The following KANSL1 variants were observed in gnomAD, a reference collection of about 807,000 sequenced individuals.
The protein encoded by KANSL1 is KAT8 regulatory NSL complex subunit 1.
In KANSL1, 22 loss-of-function variants were observed where a neutral mutation model predicts 103.6. That is an observed-to-expected ratio of 0.21 (90% CI 0.15 to 0.30). The LOEUF (loss-of-function observed/expected upper bound fraction) is 0.30. KANSL1 is among the 10% of genes least tolerant of loss of function. The pLI is 1.00. For synonymous variants in KANSL1, 600 were observed against 527.6 expected (o/e 1.14, Z -1.88); for missense variants, 1,337 against 1,399.8 (o/e 0.96, Z 0.72).
At chr17:46,052,794 T>A (rs1480552539) in intron 6 of KANSL1, among the ~76,000 whole-genome samples, 20 of 118,278 alleles carry the variant, frequency 1.7e-4, no homozygotes, top group South Asian at 5.7e-4. Context: ...AATTTAAAAT[T>A]AAAAAAAAAA....
chr17:46,074,074 C>A (rs2078673297), intron 4 of KANSL1, among the ~76,000 whole-genome samples: 2 of 152,136 alleles, frequency 1.3e-5, no homozygotes, highest in African/African-American at 2.4e-5. Context: ...AGCAGTGACA[C>A]TTACGAAGTA....
At chr17:46,054,994 G>A (rs1188044519) in intron 6 of KANSL1, among the ~76,000 whole-genome samples, 1 of 151,024 alleles carries the variant, frequency 6.6e-6, no homozygotes, top group Non-Finnish European at 1.5e-5. Context: ...GGGACTATAG[G>A]CGCCCGCCAC....
intron 2 of KANSL1, among the ~76,000 whole-genome samples, chr17:46,101,360 C>T (rs2042305569): frequency 6.6e-6 from 1 of 152,170 alleles, no homozygotes; most frequent in East Asian, 1.9e-4. Flanking sequence ...ATAAATTGAC[C>T]TCTGCAAATA....
Position 46,033,162 on chromosome 17 carries a change from C to T in KANSL1, c.2755G>A (p.Ala919Thr), listed in dbSNP as rs776547113. 38 of 1,605,250 alleles carry T rather than the reference C, an allele frequency of 2.4e-5. No homozygotes were observed. The highest frequency in any genetic ancestry group is 1.0e-4 in the Admixed American group (6 of 59,118). ...IEDLSDAAFA[A>T]LHAKCEEMER... Reference sequence around the variant, plus strand: ...ATCTCCTCACATTTGGCATGCAGGGCGGCGAAGGCTGCGTCGGATAGGTCC... The same window carrying T: ...ATCTCCTCACATTTGGCATGCAGGGTGGCGAAGGCTGCGTCGGATAGGTCC... The change falls in exon 13 of 15, where the codon GCC becomes ACC. Residue 919 changes from alanine to threonine, a missense_variant. Coordinates refer to ENST00000432791, the MANE Select transcript of KANSL1 (RefSeq NM_015443.4).
chr17:46,170,162 C>T (rs1009637752), intron 2 of KANSL1: 1 of 150,956 alleles, frequency 6.6e-6, no homozygotes, highest in African/African-American at 2.4e-5. Flanking sequence ...CAAAACAAAA[C>T]AAAAAACAAC....
Position 46,171,263 on chromosome 17 carries a change from A to G in KANSL1, c.881T>C (p.Ile294Thr), listed in dbSNP as rs747048362. 3.7e-6 allele frequency: 6 copies of G among 1,614,032 alleles called. No homozygotes were observed. Among genetic ancestry groups the G allele is most frequent in the Non-Finnish European group, 5.1e-6 (6 of 1,180,054 alleles). The change falls in exon 2 of 15, where the codon ATT becomes ACT. Residue 294 changes from isoleucine to threonine, a missense_variant. This residue lies in a region of KANSL1 where 557 missense variants were observed against 476.4 expected (regional missense o/e 1.17). Transcript: ENST00000432791. ...TTGTAATCTGCGGGCACGGCTCTCA[A>G]TGTCAGCCTGTCGCCGCAGTAAAGC... ...ITALLRRQAD[I>T]ESRARRLQKR... is the part of the protein sequence containing the mutation.
At position 46,037,192 on chromosome 17, in the gene KANSL1, G is replaced by C. The variant is rs538583314; in HGVS notation, c.2541+1346C>G. ...AATATTGAAGTGCTCACCAAGTCCT[G>C]AATCTCTGAGTTCAGATTTTCTATC... On this transcript the variant is annotated intron_variant, in intron 10 of 14. Coordinates refer to ENST00000432791, the MANE Select transcript of KANSL1 (RefSeq NM_015443.4). 1.2e-4 allele frequency: 18 copies of C among 152,274 alleles called. No homozygotes were observed. In the East Asian group the frequency reaches 1.3e-3, roughly 11 times the overall value. 9.4% of individuals were successfully genotyped at this position (152,274 alleles called of 1,614,324 possible). A position where few individuals can be genotyped will look rare whatever the true frequency, so the allele number is the denominator to read the frequency against.
Position 46,082,560 on chromosome 17 carries a change from G to C in KANSL1, c.1432-18C>G. On this transcript the variant is annotated intron_variant, in intron 3 of 14. Coordinates refer to ENST00000432791, the MANE Select transcript of KANSL1 (RefSeq NM_015443.4). ...ATCAACCCCTGCAGGATAGAGAGGA[G>C]AAAAATAGCATAAGTGAGCAGTATA... 1 of 1,417,824 alleles carries C rather than the reference G, an allele frequency of 7.1e-7. No homozygotes were observed. Among genetic ancestry groups the C allele is most frequent in the Non-Finnish European group, 9.9e-7 (1 of 1,011,072 alleles). 87.8% of individuals were successfully genotyped at this position (1,417,824 alleles called of 1,614,324 possible).
At chr17:46,147,356 T>C (rs2044766185) in intron 2 of KANSL1, among the ~76,000 whole-genome samples, 1 of 152,154 alleles carries the variant, frequency 6.6e-6, no homozygotes, top group Non-Finnish European at 1.5e-5. Context: ...GGTGGATCAC[T>C]TGAGTTCAGG....
At chr17:46,137,919 G>C (rs2044234127) in intron 2 of KANSL1, among the ~76,000 whole-genome samples, 1 of 151,904 alleles carries the variant, frequency 6.6e-6, no homozygotes, top group African/African-American at 2.4e-5. Context: ...TCCTTCAAAG[G>C]AAAAATTCAG....
intron 2 of KANSL1, among the ~76,000 whole-genome samples, chr17:46,152,643 G>T (rs987239018): frequency 6.6e-6 from 1 of 152,070 alleles, no homozygotes; most frequent in Non-Finnish European, 1.5e-5. Flanking sequence ...AAAAGAGCAG[G>T]TGTCAGACTG....
At chr17:46,033,345 A>T (rs2077062621) in intron 12 of KANSL1, 58 bp downstream of exon 12, 1 of 1,550,160 alleles carries the variant, frequency 6.5e-7, no homozygotes, top group Non-Finnish European at 8.9e-7. Context: ...GTGTGCACTC[A>T]TATGTATGTG....
rs147713354 is a variant in KANSL1, at chr17:46,173,744, C to G, written c.-89-1512G>C. 4.0e-3 allele frequency among the ~76,000 whole-genome samples: 609 copies of G among 152,324 alleles called. 3 individuals are homozygous for G. Among genetic ancestry groups the G allele is most frequent in the Middle Eastern group, 0.017 (5 of 294 alleles). On this transcript the variant is annotated intron_variant, in intron 1 of 14. Coordinates refer to ENST00000432791, the MANE Select transcript of KANSL1 (RefSeq NM_015443.4). Reference sequence around the variant, plus strand: ...ACTAATAGTCATTATACTCTCCACTCAGTTTTTCTTTTTTTAAGGGAGTTC... The same window carrying G: ...ACTAATAGTCATTATACTCTCCACTGAGTTTTTCTTTTTTTAAGGGAGTTC...
upstream of KANSL1, among the ~76,000 whole-genome samples, chr17:46,194,103 C>T (rs2047519143): frequency 6.6e-6 from 1 of 152,198 alleles, no homozygotes; most frequent in African/African-American, 2.4e-5. Flanking sequence ...AGCCAGGGCC[C>T]GCGCCGGGCC....
chr17:46,071,983 C>T (rs182042790), intron 4 of KANSL1, among the ~76,000 whole-genome samples: 1,297 of 106,462 alleles, frequency 0.012, 19 homozygotes, highest in African/African-American at 0.035. Flanking sequence ...GCTCCCCCCA[C>T]CCCTCCCCCC....
intron 11 of KANSL1, 138 bp downstream of exon 11, chr17:46,034,023 G>C (rs541593749): frequency 1.9e-6 from 2 of 1,069,258 alleles, no homozygotes; most frequent in Middle Eastern, 2.8e-4. Flanking sequence ...AAATAATTTC[G>C]TTCTTATCAG....
intron 2 of KANSL1, among the ~76,000 whole-genome samples, chr17:46,113,861 T>A (rs556452978): frequency 6.6e-6 from 1 of 152,304 alleles, no homozygotes; most frequent in East Asian, 1.9e-4. Context: ...GATTAAGCCA[T>A]GAGGCCAAAT....
At chr17:46,172,349 T>G (rs533854723) in intron 1 of KANSL1, 117 bp from the exon 2 acceptor site, 1 of 605,850 alleles carries the variant, frequency 1.7e-6, no homozygotes, top group Admixed American at 3.4e-5. Context: ...AAGAAAACAC[T>G]CTGGAGCTAA....
chr17:46,115,529 T>C (rs1047849292), intron 2 of KANSL1, among the ~76,000 whole-genome samples: 2 of 151,944 alleles, frequency 1.3e-5, no homozygotes, highest in African/African-American at 4.8e-5. Context: ...AAGGAAAGTA[T>C]ACATTCAAGG....
Sources: allele counts gnomAD v4.1 joint callset (sites outside exome capture counted in the v4.1 genomes callset), GRCh38; gene constraint gnomAD v4.1.1; regional missense constraint gnomAD v4.1.1; transcripts MANE v1.5; gene names NCBI Gene and HGNC (gene_info 2026-07-23, HGNC 2026-07-21).